The following CYTH3 variants were observed in gnomAD, a reference collection of about 807,000 sequenced individuals.
The protein encoded by CYTH3 is cytohesin-3.
Under a neutral mutation model 55.1 loss-of-function variants are expected in CYTH3, and 23 were observed. That is an observed-to-expected ratio of 0.42 (90% CI 0.30 to 0.59). The LOEUF (loss-of-function observed/expected upper bound fraction) is 0.59. Ranked by LOEUF, CYTH3 falls within the 20% of genes least tolerant of loss-of-function variation. The pLI is 0.20. For missense variants in CYTH3, 413 were observed against 524.8 expected, an observed-to-expected ratio of 0.79 and a Z score of 2.08; for synonymous variants, 249 against 194.9, an observed-to-expected ratio of 1.28 and a Z score of -2.31.
In CYTH3 at chr7:6,196,357, C is replaced by T. The variant is rs559864417; in HGVS notation, c.35-5826G>A. Among the ~76,000 whole-genome samples, 13 of 152,030 alleles carry T rather than the reference C, an allele frequency of 8.6e-5. 1 individual carries two copies. The South Asian group carries it at 1.7e-3, about 19-fold the overall frequency. On this transcript the variant is annotated intron_variant, in intron 1 of 12. Coordinates refer to ENST00000350796, the MANE Select transcript of CYTH3 (RefSeq NM_004227.4). ...CAGGCAGAAAACCAACATCGAATGC[C>T]CAGAGAGATCAAATAAAATAAAGAA...
At chr7:6,239,750 G>T (rs572567534) in intron 1 of CYTH3, among the ~76,000 whole-genome samples, 1 of 152,008 alleles carries the variant, frequency 6.6e-6, no homozygotes, top group Non-Finnish European at 1.5e-5. Flanking sequence ...AAGTAGAAAA[G>T]AATACTTCAT....
At chr7:6,243,723 C>T (rs1779733940) in intron 1 of CYTH3, among the ~76,000 whole-genome samples, 1 of 152,110 alleles carries the variant, frequency 6.6e-6, no homozygotes, top group South Asian at 2.1e-4. Flanking sequence ...ATCAACTTAC[C>T]CAATGAATTG....
chr7:6,194,454 TAAAC>T (rs1216274689), intron 1 of CYTH3, among the ~76,000 whole-genome samples: 3 of 151,934 alleles, frequency 2.0e-5, no homozygotes, highest in Non-Finnish European at 4.4e-5. Flanking sequence ...TCTTTAAAAA[TAAAC>T]AAAAACAAAA....
chr7:6,240,699 A>G (rs758586037), intron 1 of CYTH3, among the ~76,000 whole-genome samples: 1 of 152,248 alleles, frequency 6.6e-6, no homozygotes, highest in Non-Finnish European at 1.5e-5. Flanking sequence ...AACAATTCAA[A>G]GATTTAAATG....
chr7:6,209,305 C>T (rs1160364915), intron 1 of CYTH3, among the ~76,000 whole-genome samples: 4 of 152,132 alleles, frequency 2.6e-5, no homozygotes, highest in African/African-American at 9.7e-5. Flanking sequence ...CATCTCAAAA[C>T]AAATCAAAAC....
chr7:6,248,242 C>G (rs185406073), intron 1 of CYTH3, among the ~76,000 whole-genome samples: 4 of 149,192 alleles, frequency 2.7e-5, no homozygotes, highest in East Asian at 1.9e-4. Context: ...CAACCCCCCC[C>G]CAGCCAAAAA....
chr7:6,208,557 G>C (rs2128548662), intron 1 of CYTH3, among the ~76,000 whole-genome samples: 1 of 150,866 alleles, frequency 6.6e-6, no homozygotes, highest in South Asian at 2.1e-4. Context: ...TCTTTTTTTT[G>C]AGAGGTGCGG....
chr7:6,239,908 T>C (rs919622352), intron 1 of CYTH3, among the ~76,000 whole-genome samples: 1 of 152,200 alleles, frequency 6.6e-6, no homozygotes, highest in Admixed American at 6.5e-5. Flanking sequence ...AAAACTGCAA[T>C]GTCATAAGGA....
At chr7:6,264,803 T>G (rs1042227641) in intron 1 of CYTH3, among the ~76,000 whole-genome samples, 1 of 152,224 alleles carries the variant, frequency 6.6e-6, no homozygotes, top group Non-Finnish European at 1.5e-5. Flanking sequence ...TTCTAGATCT[T>G]GGAGATATAA....
chr7:6,252,657 G>GC (rs1213064314), intron 1 of CYTH3, among the ~76,000 whole-genome samples: 1 of 152,168 alleles, frequency 6.6e-6, no homozygotes, highest in Non-Finnish European at 1.5e-5. Flanking sequence ...ATTAGTCTCA[G>GC]CTGCAGTTAA....
chr7:6,263,394 A>T (rs1780404253), intron 1 of CYTH3, among the ~76,000 whole-genome samples: 1 of 152,234 alleles, frequency 6.6e-6, no homozygotes, highest in Non-Finnish European at 1.5e-5. Flanking sequence ...TCACAACTGC[A>T]ATTCTAGAAA....
At chr7:6,264,996 C>G (rs1405014821) in intron 1 of CYTH3, among the ~76,000 whole-genome samples, 1 of 152,112 alleles carries the variant, frequency 6.6e-6, no homozygotes, top group Non-Finnish European at 1.5e-5. Flanking sequence ...AACATTTGAG[C>G]ACAAACTTGA....
chr7:6,166,051 G>A (rs3828952), intron 9 of CYTH3, among the ~76,000 whole-genome samples: 4,399 of 152,206 alleles, frequency 0.029, 237 homozygotes, highest in East Asian at 0.25. Context: ...GCTACAATTC[G>A]CTTCCTGGGA....
chr7:6,250,550 C>T (rs140358299), intron 1 of CYTH3, among the ~76,000 whole-genome samples: 1 of 152,178 alleles, frequency 6.6e-6, no homozygotes, highest in Non-Finnish European at 1.5e-5. Context: ...GGGAAAATGA[C>T]TCATGCCACA....
intron 4 of CYTH3, among the ~76,000 whole-genome samples, chr7:6,185,492 C>A (rs577209320): frequency 3.3e-5 from 5 of 152,038 alleles, no homozygotes; most frequent in South Asian, 4.2e-4. Flanking sequence ...GTCAGGAGAT[C>A]GAGACCATCC....
chr7:6,189,774 C>T (rs540582818), intron 2 of CYTH3, among the ~76,000 whole-genome samples: 2 of 152,134 alleles, frequency 1.3e-5, no homozygotes, highest in South Asian at 2.1e-4. Flanking sequence ...CAGTGGCTCA[C>T]GTCTGTGATC....
At chr7:6,175,169 A>C (rs1434380378) in intron 5 of CYTH3, among the ~76,000 whole-genome samples, 1 of 152,084 alleles carries the variant, frequency 6.6e-6, no homozygotes, top group Non-Finnish European at 1.5e-5. Flanking sequence ...AGGGCTCACT[A>C]TGTTACCCAG....
chr7:6,199,808 G>A (rs1054416833), intron 1 of CYTH3, among the ~76,000 whole-genome samples: 3 of 152,180 alleles, frequency 2.0e-5, no homozygotes, highest in Non-Finnish European at 2.9e-5. Flanking sequence ...AATACGACAT[G>A]TATTGGGTTA....
At chr7:6,177,086 T>C (rs935411956) in intron 5 of CYTH3, among the ~76,000 whole-genome samples, 1 of 152,256 alleles carries the variant, frequency 6.6e-6, no homozygotes, top group African/African-American at 2.4e-5. Context: ...TTTTTACCTA[T>C]TGCTTACTAT....
Sources: gnomAD v4.1 joint callset for allele counts (sites outside exome capture counted in the v4.1 genomes callset) on GRCh38, gnomAD v4.1.1 for gene constraint, MANE v1.5 for transcripts, NCBI Gene and HGNC (gene_info 2026-07-23, HGNC 2026-07-21) for gene names.